TMOD2: variants seen among roughly 807,000 people sequenced by gnomAD.
TMOD2 encodes the protein tropomodulin 2, also known as tropomodulin-2.
Under a neutral mutation model 39.9 loss-of-function variants are expected in TMOD2, and 22 were observed. That is an observed-to-expected ratio of 0.55 (90% CI 0.39 to 0.79). The LOEUF (loss-of-function observed/expected upper bound fraction) is 0.79, where lower values mean the gene tolerates loss of function less well. Among genes scored for constraint, TMOD2 ranks in the 30% least tolerant of loss-of-function variants. The pLI is 0.00. For synonymous variants in TMOD2, 123 were observed against 146.1 expected (o/e 0.84, Z 1.14); for missense variants, 386 against 413.3 (o/e 0.93, Z 0.57).
At chr15:51,801,225 T>TCA (rs2056085087) in intron 8 of TMOD2, among the ~76,000 whole-genome samples, 1 of 90,388 alleles carries the variant, frequency 1.1e-5, no homozygotes, top group African/African-American at 5.2e-5. Context: ...TCCCTCTCTC[T>TCA]CTCTCTCTCT....
intron 5 of TMOD2, among the ~76,000 whole-genome samples, chr15:51,778,643 CTTTTTTTTT>C (rs34790068): frequency 3.4e-4 from 23 of 68,332 alleles, no homozygotes; most frequent in Non-Finnish European, 5.6e-4. Context: ...AAAATTACAG[CTTTTTTTTT>C]TTTTTTTTTT....
At chr15:51,789,675 G>A (rs981714981) in intron 7 of TMOD2, among the ~76,000 whole-genome samples, 1 of 152,204 alleles carries the variant, frequency 6.6e-6, no homozygotes, top group African/African-American at 2.4e-5. Flanking sequence ...AGACCACAGT[G>A]CAACCAAATT....
chr15:51,791,844 C>CA (rs1261586248), intron 7 of TMOD2, among the ~76,000 whole-genome samples: 1 of 152,098 alleles, frequency 6.6e-6, no homozygotes, highest in African/African-American at 2.4e-5. Flanking sequence ...ACAGCTTATA[C>CA]AAAAATAAAC....
chr15:51,801,159 G>A (rs1049735722), intron 8 of TMOD2, among the ~76,000 whole-genome samples: 5 of 151,678 alleles, frequency 3.3e-5, no homozygotes, highest in African/African-American at 9.7e-5. Context: ...AGTTATGGAT[G>A]TGTCACTGCA....
intron 3 of TMOD2, among the ~76,000 whole-genome samples, chr15:51,770,619 T>A (rs1171596673): frequency 1.3e-5 from 2 of 152,066 alleles, no homozygotes; most frequent in East Asian, 3.9e-4. Context: ...ATTCAGTGGA[T>A]CACACATCAT....
chr15:51,783,501 A>G (rs1284283741), intron 7 of TMOD2: 6 of 152,134 alleles, frequency 3.9e-5, no homozygotes, highest in Non-Finnish European at 5.9e-5. Flanking sequence ...AGAAAAATTA[A>G]AGTATATTTT....
intron 1 of TMOD2, among the ~76,000 whole-genome samples, chr15:51,762,876 G>A (rs2055790827): frequency 6.6e-6 from 1 of 152,124 alleles, no homozygotes; most frequent in Non-Finnish European, 1.5e-5. Context: ...TACATCAATA[G>A]TTCATTCCCT....
chr15:51,799,618 G>A (rs980727677), intron 8 of TMOD2, among the ~76,000 whole-genome samples: 1 of 152,038 alleles, frequency 6.6e-6, no homozygotes, highest in Non-Finnish European at 1.5e-5. Context: ...TGTGGAGGCA[G>A]CACCCCAGGG....
chr15:51,802,865 C>T (rs2056098828), intron 8 of TMOD2, among the ~76,000 whole-genome samples: 1 of 152,270 alleles, frequency 6.6e-6, no homozygotes, highest in Non-Finnish European at 1.5e-5. Flanking sequence ...TGAGGAGAGA[C>T]TCGTTTGAGG....
At chr15:51,758,144 C>T (rs989742096) in intron 1 of TMOD2, among the ~76,000 whole-genome samples, 12 of 151,872 alleles carry the variant, frequency 7.9e-5, no homozygotes, top group South Asian at 2.1e-4. Flanking sequence ...AAGTTGTGCT[C>T]CAGGAGGATG....
At chr15:51,805,113 C>G (rs935638751) in intron 8 of TMOD2, among the ~76,000 whole-genome samples, 1 of 151,798 alleles carries the variant, frequency 6.6e-6, no homozygotes, top group Non-Finnish European at 1.5e-5. Context: ...TGCATGCCAC[C>G]ATGCCCAGCA....
intron 6 of TMOD2, among the ~76,000 whole-genome samples, chr15:51,781,803 GGA>G (rs370122360): frequency 6.1e-4 from 91 of 149,434 alleles, no homozygotes; most frequent in East Asian, 2.9e-3. Flanking sequence ...GGAAAGAGTA[GGA>G]GAGAGAGAGA....
chr15:51,795,573 G>T (rs690203), intron 7 of TMOD2, among the ~76,000 whole-genome samples: 3,766 of 32,868 alleles, frequency 0.11, 116 homozygotes, highest in Admixed American at 0.16. Flanking sequence ...CTGCTTGCTT[G>T]CTTGCTTTCT....
In TMOD2 at chr15:51,796,936, A is replaced by C. The variant is rs1170280147; in HGVS notation, c.733-1261A>C. ...GACGATGTCAATGGTTGGATGTCAA[A>C]AGCAGACAGTGTCATTGGTTCATAG... On this transcript the variant is annotated intron_variant, in intron 7 of 9. Transcript: ENST00000249700. 4.6e-5 allele frequency among the ~76,000 whole-genome samples: 7 copies of C among 152,308 alleles called. No homozygotes were observed. In the South Asian group the frequency reaches 1.5e-3, roughly 32 times the overall value.
intron 7 of TMOD2, among the ~76,000 whole-genome samples, chr15:51,795,265 A>AT (rs2056039750): frequency 6.6e-6 from 1 of 151,836 alleles, no homozygotes; most frequent in African/African-American, 2.4e-5. Flanking sequence ...TACTACAAGT[A>AT]TATAAAAAAA....
intron 7 of TMOD2, among the ~76,000 whole-genome samples, chr15:51,795,564 TGC>T (rs1458699523): frequency 8.4e-5 from 3 of 35,864 alleles, no homozygotes; most frequent in African/African-American, 3.8e-4. Context: ...TCTTCTCTTC[TGC>T]TTGCTTGCTT....
At chr15:51,795,577 G>GCTTGCTTT (rs1491143300) in intron 7 of TMOD2, among the ~76,000 whole-genome samples, 156 of 41,990 alleles carry the variant, frequency 3.7e-3, no homozygotes, top group South Asian at 9.1e-3. Flanking sequence ...TTGCTTGCTT[G>GCTTGCTTT]CTTTCTTTCT....
intron 1 of TMOD2, among the ~76,000 whole-genome samples, chr15:51,758,636 AC>A (rs1372049740): frequency 6.6e-6 from 1 of 152,222 alleles, no homozygotes; most frequent in African/African-American, 2.4e-5. Context: ...CCCCTCCCTC[AC>A]AGAGATTAGC....
At chr15:51,789,570 C>T (rs538791160) in intron 7 of TMOD2, among the ~76,000 whole-genome samples, 37 of 152,336 alleles carry the variant, frequency 2.4e-4, no homozygotes, top group African/African-American at 8.9e-4. Flanking sequence ...CTTCTCAGCA[C>T]CACATCGCAC....
Sources: allele counts gnomAD v4.1 joint callset (sites outside exome capture counted in the v4.1 genomes callset), GRCh38; gene constraint gnomAD v4.1.1; transcripts MANE v1.5; gene names NCBI Gene and HGNC (gene_info 2026-07-23, HGNC 2026-07-21).